The following FANCD2OS variants were observed in gnomAD, a reference collection of about 807,000 sequenced individuals.
FANCD2OS encodes the protein FANCD2 opposite strand.
In FANCD2OS, 11 loss-of-function variants were observed where a neutral mutation model predicts 13.2. The ratio of observed to expected loss-of-function variants is 0.83; its 90% CI spans 0.52 to 1.38. FANCD2OS has a LOEUF of 1.38. FANCD2OS is among the 40% of genes most tolerant of loss of function. FANCD2OS has a pLI of 0.00. For synonymous variants in FANCD2OS, 69 were observed against 84.5 expected (o/e 0.82, Z 1.01); for missense variants, 217 against 213.9 (o/e 1.01, Z -0.09).
intron 2 of FANCD2OS, chr3:10,092,259 A>ATGGAGACTGC: frequency 6.2e-7 from 1 of 1,603,708 alleles, no homozygotes; most frequent in Non-Finnish European, 8.5e-7. Context: ...AAAGGTGAGT[A>ATGGAGACTGC]TGGAGACTGC....
chr3:10,095,325 C>T, intron 2 of FANCD2OS: 2 of 1,444,070 alleles, frequency 1.4e-6, no homozygotes, highest in Non-Finnish European at 1.9e-6. Flanking sequence ...GCTTAATCTG[C>T]AGTTGCTATT....
intron 2 of FANCD2OS, chr3:10,088,478 G>C (rs1575844685): frequency 1.9e-6 from 3 of 1,611,850 alleles, no homozygotes; most frequent in African/African-American, 1.3e-5. Context: ...CCTCTGTCGG[G>C]TGTGGCCAAG....
In FANCD2OS at chr3:10,095,281, A is replaced by AGG; in HGVS notation, c.*43+8915_*43+8916dup. 6.2e-7 allele frequency: 1 copy of AGG among 1,613,504 alleles called. No homozygotes were observed. Among genetic ancestry groups the AGG allele is most frequent in the Non-Finnish European group, 8.5e-7 (1 of 1,179,488 alleles). ...CCTGTGTGGGCATTCCAAGGTAAGA[A>AGG]GGGGAGCAGGTTCTATCAGCAGCCT... On this transcript the variant is annotated intron_variant, in intron 2 of 2. Transcript: ENST00000524279.
chr3:10,105,451 T>C (rs1249431287), intron 1 of FANCD2OS, among the ~76,000 whole-genome samples: 1 of 151,914 alleles, frequency 6.6e-6, no homozygotes, highest in African/African-American at 2.4e-5. Flanking sequence ...AGAAAAGTCA[T>C]GTCTTAAAAA....
rs201756450 is a variant in FANCD2OS at position 10,090,272 on chromosome 3, A to C, written c.*44-8741T>G. Reference sequence around the variant, plus strand: ...GCAGTGCATCATGGTGTGGGCACGCATGCTTTTCCCGTCTTCTAGGCATAC... The same window carrying C: ...GCAGTGCATCATGGTGTGGGCACGCCTGCTTTTCCCGTCTTCTAGGCATAC... On this transcript the variant is annotated intron_variant, in intron 2 of 2. Transcript: ENST00000524279. 2 of 1,592,290 alleles carry C rather than the reference A, an allele frequency of 1.3e-6. No homozygotes were observed. The highest frequency in any genetic ancestry group is 2.7e-5 in the African/African-American group (2 of 74,568).
chr3:10,088,733 C>T (rs1467557952), intron 2 of FANCD2OS: 1 of 1,367,272 alleles, frequency 7.3e-7, no homozygotes, highest in Non-Finnish European at 1.0e-6. Flanking sequence ...TAGCTAACTG[C>T]TTATTGTTAA....
At chr3:10,092,540 A>G (rs539291890) in intron 2 of FANCD2OS, among the ~76,000 whole-genome samples, 3 of 150,192 alleles carry the variant, frequency 2.0e-5, no homozygotes, top group Admixed American at 6.7e-5. Context: ...TGGATCCTCT[A>G]TGATCTGAGC....
In FANCD2OS at chr3:10,088,534, T is replaced by A. The variant is rs780304251; in HGVS notation, c.*44-7003A>T. The A allele has an allele frequency of 1.3e-6, 2 of 1,599,028 alleles. No individual in the cohort carries two copies. Among genetic ancestry groups the A allele is most frequent in the East Asian group, 4.5e-5 (2 of 44,828 alleles). ...ACATCTCTAATGACCAGCTCCATGC[T>A]CTGCTCTGGTGAGATGTTTGGTTTC... On this transcript the variant is annotated intron_variant, in intron 2 of 2. Transcript: ENST00000524279.
chr3:10,089,088 C>T, intron 2 of FANCD2OS: 1 of 948,354 alleles, frequency 1.1e-6, no homozygotes, highest in Non-Finnish European at 1.7e-6. Flanking sequence ...GTTTTGAGAC[C>T]CACTTGGCCA....
intron 1 of FANCD2OS, 70 bp from the exon 2 acceptor site, chr3:10,104,852 C>T: frequency 7.2e-7 from 1 of 1,380,870 alleles, no homozygotes; most frequent in Non-Finnish European, 9.8e-7. Flanking sequence ...CTTTCAAATT[C>T]CCATCTCTGT....
At chr3:10,085,119 C>T (rs1008768394) in intron 2 of FANCD2OS, among the ~76,000 whole-genome samples, 7 of 152,144 alleles carry the variant, frequency 4.6e-5, no homozygotes, top group Non-Finnish European at 8.8e-5. Context: ...ATTGATTTAG[C>T]AGTTTGACAA....
At chr3:10,092,037 T>C (rs1694642351) in intron 2 of FANCD2OS, 1 of 774,562 alleles carries the variant, frequency 1.3e-6, no homozygotes, top group Non-Finnish European at 2.4e-6. Context: ...AACCATCTTG[T>C]GGATGCACTG....
Position 10,088,641 on chromosome 3 carries a change from T to A in FANCD2OS, c.*44-7110A>T, listed in dbSNP as rs1694385700. 1.7e-5 allele frequency: 19 copies of A among 1,101,782 alleles called. No homozygotes were observed. The South Asian group carries it at 2.4e-4, about 14-fold the overall frequency. The allele number at this position is 1,101,782 out of a possible 1,614,324, so 68.3% of individuals were successfully genotyped here. On this transcript the variant is annotated intron_variant, in intron 2 of 2. Transcript: ENST00000524279. ...GACAAATGACCTTTTTAGTGGGAAT[T>A]TGAAAACAATGAAGTAGGTTAAAAA...
intron 2 of FANCD2OS, among the ~76,000 whole-genome samples, chr3:10,091,553 G>A (rs574266816): frequency 4.8e-4 from 73 of 151,856 alleles, no homozygotes; most frequent in Non-Finnish European, 8.7e-4. Flanking sequence ...TACTTGTCTA[G>A]CTCCGTTCTG....
At position 10,104,594 on chromosome 3, in the gene FANCD2OS, T is replaced by C; in HGVS notation, c.181A>G (p.Ser61Gly). The change falls in exon 2 of 2, where the codon AGC (serine) becomes GGC (glycine). Residue 61 changes from serine (S) to glycine (G), a missense_variant. Coordinates refer to ENST00000450660, the MANE Select transcript of FANCD2OS (RefSeq NM_001164839.2). ...CTCACTCCAGATTCCAGGAATGGGC[T>C]GTCTAGGACTAGAGTGACCTCTTGA... The part of the protein sequence containing the change: ...CFQEVTLVLD[S>G]PFLESGVSPK... 8 of 1,614,188 alleles carry C rather than the reference T, an allele frequency of 5.0e-6. No homozygotes were observed. The highest frequency in any genetic ancestry group is 6.8e-6 in the Non-Finnish European group (8 of 1,180,040).
chr3:10,091,034 AG>A (rs1694574945), intron 2 of FANCD2OS, among the ~76,000 whole-genome samples: 1 of 151,840 alleles, frequency 6.6e-6, no homozygotes, highest in Admixed American at 6.6e-5. Context: ...AGTAAGAGAA[AG>A]GGCTAGCATA....
chr3:10,085,912 G>A lies in FANCD2OS; in HGVS notation c.*44-4381C>T, dbSNP rs947583281. The A allele has an allele frequency of 4.4e-6, 7 of 1,608,320 alleles. No individual in the cohort carries two copies. The African/African-American group carries it at 8.0e-5, about 18-fold the overall frequency. On this transcript the variant is annotated intron_variant, in intron 2 of 2. Coordinates refer to the FANCD2OS transcript ENST00000524279. ...GGGAGAACACAGCCAGCCTTTGGAG[G>A]AACTACTCAGGTGAGTCATAACTAC...
At chr3:10,089,957 G>A (rs1256243794) in intron 2 of FANCD2OS, among the ~76,000 whole-genome samples, 1 of 152,144 alleles carries the variant, frequency 6.6e-6, no homozygotes, top group Non-Finnish European at 1.5e-5. Flanking sequence ...TTTTACTGCT[G>A]AGGAAAATGA....
intron 2 of FANCD2OS, among the ~76,000 whole-genome samples, chr3:10,096,161 A>G (rs945486798): frequency 1.3e-5 from 2 of 152,178 alleles, no homozygotes; most frequent in Admixed American, 6.5e-5. Context: ...TTTAGCTGCC[A>G]TTCTCTTTGG....
Sources: gnomAD v4.1 joint callset for allele counts (sites outside exome capture counted in the v4.1 genomes callset) on GRCh38, gnomAD v4.1.1 for gene constraint, MANE v1.5 for transcripts, NCBI Gene and HGNC (gene_info 2026-07-23, HGNC 2026-07-21) for gene names.